REST: variants seen among roughly 807,000 people sequenced by gnomAD.
REST encodes the protein RE1-silencing transcription factor.
REST carries 1 observed loss-of-function variant against 30.4 expected under a neutral mutation model. That is an observed-to-expected ratio of 0.03 (90% CI 0.01 to 0.16). The LOEUF (loss-of-function observed/expected upper bound fraction) is 0.16. REST is among the 10% of genes least tolerant of loss of function. The pLI is 1.00. For missense variants in REST, 1,259 were observed against 1,329.5 expected, an observed-to-expected ratio of 0.95 and a Z score of 0.82; for synonymous variants, 504 against 451.1, an observed-to-expected ratio of 1.12 and a Z score of -1.49.
At chr4:56,916,571 A>G (rs1190722528) in intron 2 of REST, among the ~76,000 whole-genome samples, 1 of 152,170 alleles carries the variant, frequency 6.6e-6, no homozygotes, top group African/African-American at 2.4e-5. Context: ...CAAGAGGCAG[A>G]GGTTGCAGTG....
Position 56,930,741 on chromosome 4 carries a change from T to A in REST, c.1883T>A (p.Val628Glu), listed in dbSNP as rs748334019. ...TEAVQKGPVQVEPPPPMEHAQ... is the reference protein window; with the variant it reads ...TEAVQKGPVQEEPPPPMEHAQ... ...GCGGTTCAGAAGGGGCCCGTTCAGG[T>A]GGAGCCGCCACCTCCCATGGAGCAT... The change falls in exon 4 of 4, where the codon GTG becomes GAG. Residue 628 changes from valine to glutamate, a missense_variant. This residue lies in a region of REST where 856 missense variants were observed against 772.8 expected (regional missense o/e 1.11). Coordinates refer to ENST00000309042, the MANE Select transcript of REST (RefSeq NM_005612.5). 1 of 1,601,024 alleles carries A rather than the reference T, an allele frequency of 6.2e-7. No homozygotes were observed. The highest frequency in any genetic ancestry group is 8.5e-7 in the Non-Finnish European group (1 of 1,176,286).
chr4:56,914,330 C>T (rs1392598566), intron 2 of REST, among the ~76,000 whole-genome samples: 1 of 152,134 alleles, frequency 6.6e-6, no homozygotes, highest in East Asian at 1.9e-4. Context: ...GGTGAAATTC[C>T]ATTACAAGAG....
At position 56,911,015 on chromosome 4, in the gene REST, A is replaced by T; in HGVS notation, c.377A>T (p.Glu126Val). The T allele has an allele frequency of 6.2e-7, 1 of 1,614,204 alleles. No individual in the cohort carries two copies. Among genetic ancestry groups the T allele is most frequent in the South Asian group, 1.1e-5 (1 of 91,088 alleles). Reference sequence around the variant, plus strand: ...GTCGTAGAACCTCAGCCTGTATTTGAGGCATCAGGTGCTCCAGATATTTAC... The same window carrying T: ...GTCGTAGAACCTCAGCCTGTATTTGTGGCATCAGGTGCTCCAGATATTTAC... ...LSVVEPQPVF[E>V]ASGAPDIYSS... Residue 126 changes from glutamate (E) to valine (V), a missense_variant, in exon 2 of 4, where the codon GAG becomes GTG. By Grantham distance (121) the Glu-to-Val change is moderately radical (BLOSUM62 -2). Transcript: ENST00000309042.
At chr4:56,918,610 G>A (rs1578496634) in intron 2 of REST, among the ~76,000 whole-genome samples, 1 of 152,138 alleles carries the variant, frequency 6.6e-6, no homozygotes, top group Non-Finnish European at 1.5e-5. Context: ...CCAGGCTGGA[G>A]TATAGTGGTG....
At chr4:56,922,314 AC>A (rs1553903291) in intron 3 of REST, 1 of 67,458 alleles carries the variant, frequency 1.5e-5, no homozygotes, top group Non-Finnish European at 3.4e-5. Flanking sequence ...TATTATTATT[AC>A]TTTTTTTTTT....
At position 56,930,137 on chromosome 4, in the gene REST, C is replaced by T. The variant is rs377741166; in HGVS notation, c.1279C>T (p.Leu427=). The change falls in exon 4 of 4, where the codon CTA becomes TTA. Residue 427 remains leucine, a synonymous_variant. Transcript: ENST00000309042. ...AACAATGGATGTCTCAAAAGTGAAA[C>T]TAAAGAAAACCAAAAAACGAGAGGC... The part of the protein sequence containing the change: ...NKTMDVSKVK[L]KKTKKREADL... 2.8e-4 allele frequency: 446 copies of T among 1,613,228 alleles called. No individual in the cohort carries two copies. Among genetic ancestry groups the T allele is most frequent in the Non-Finnish European group, 3.5e-4 (413 of 1,179,896 alleles).
intron 2 of REST, among the ~76,000 whole-genome samples, 181 bp from the exon 3 acceptor site, chr4:56,919,606 A>G (rs1720359151): frequency 6.6e-6 from 1 of 152,242 alleles, no homozygotes; most frequent in Admixed American, 6.5e-5. Context: ...ATGTAGTCAT[A>G]GTTTCTGAAA....
intron 2 of REST, among the ~76,000 whole-genome samples, chr4:56,915,462 C>G (rs1348075969): frequency 6.6e-6 from 1 of 151,832 alleles, no homozygotes; most frequent in Non-Finnish European, 1.5e-5. Context: ...GTTGGCCAGG[C>G]TGGTCTCGAC....
Position 56,911,237 on chromosome 4 carries a change from A to G in REST, c.599A>G (p.Glu200Gly), listed in dbSNP as rs1193154231. 2 of 1,614,178 alleles carry G rather than the reference A, an allele frequency of 1.2e-6. No homozygotes were observed. Among genetic ancestry groups the G allele is most frequent in the Non-Finnish European group, 1.7e-6 (2 of 1,180,030 alleles). ...ESAEKQAKARESGSSTAEEGD... is the reference protein window; with the variant it reads ...ESAEKQAKARGSGSSTAEEGD... ...GCAGAGAAGCAGGCAAAAGCCAGGG[A>G]ATCTGGCTCTTCCACTGCAGAAGAG... The change falls in exon 2 of 4, where the codon GAA (glutamate) becomes GGA (glycine). Residue 200 changes from glutamate (E) to glycine (G), a missense_variant. Coordinates refer to ENST00000309042, the MANE Select transcript of REST (RefSeq NM_005612.5).
At chr4:56,914,999 A>T (rs1226569508) in intron 2 of REST, among the ~76,000 whole-genome samples, 2 of 134,940 alleles carry the variant, frequency 1.5e-5, no homozygotes, top group Non-Finnish European at 3.0e-5. Flanking sequence ...ATCTCGGCTC[A>T]CTGCAACCTC....
intron 3 of REST, among the ~76,000 whole-genome samples, chr4:56,926,089 T>TCA (rs1178567306): frequency 6.6e-6 from 1 of 152,208 alleles, no homozygotes; most frequent in African/African-American, 2.4e-5. Context: ...AGATGGAGTC[T>TCA]CACCCTGTCG....
At chr4:56,909,482 G>T (rs571775149) in intron 1 of REST, 80 of 152,310 alleles carry the variant, frequency 5.3e-4, no homozygotes, top group African/African-American at 1.9e-3. Flanking sequence ...GGAGCAATTA[G>T]AAAAGTCGAT....
Position 56,910,934 on chromosome 4 carries a change from T to C in REST, c.296T>C (p.Ile99Thr), listed in dbSNP as rs141631518. 39 of 1,614,050 alleles carry C rather than the reference T, an allele frequency of 2.4e-5. No individual in the cohort carries two copies. The Admixed American group carries it at 2.8e-4, about 12-fold the overall frequency. Reference protein sequence around the residue: ...EGEGLEESADIKGEPHGLENM... With the variant: ...EGEGLEESADTKGEPHGLENM... ...GAAGGACTTGAAGAGTCTGCTGATA[T>C]AAAAGGTGAACCTCATGGACTGGAA... The change falls in exon 2 of 4, where the codon ATA becomes ACA. Residue 99 changes from isoleucine to threonine, a missense_variant. This residue lies in a region of REST where 249 missense variants were observed against 251.5 expected (regional missense o/e 0.99). Transcript: ENST00000309042.
Position 56,923,565 on chromosome 4 carries a change from C to T in REST, c.982+3695C>T, listed in dbSNP as rs76376190. Among the ~76,000 whole-genome samples, 175 of 151,868 alleles carry T rather than the reference C, an allele frequency of 1.2e-3. 2 individuals carry two copies. The East Asian group carries it at 0.028, about 24-fold the overall frequency. Reference sequence around the variant, plus strand: ...TTCAAGCTATAGAATCTTCCTCAGCCTCCTGTGTAGCTGAAATTACAGGCA... The same window carrying T: ...TTCAAGCTATAGAATCTTCCTCAGCTTCCTGTGTAGCTGAAATTACAGGCA... On this transcript the variant is annotated intron_variant, in intron 3 of 3. Coordinates refer to ENST00000309042, the MANE Select transcript of REST (RefSeq NM_005612.5).
In REST at chr4:56,911,172, C is replaced by G; in HGVS notation, c.534C>G (p.Ile178Met). Residue 178 changes from isoleucine to methionine, a missense_variant, in exon 2 of 4, where the codon ATC (isoleucine) becomes ATG (methionine). Coordinates refer to ENST00000309042, the MANE Select transcript of REST (RefSeq NM_005612.5). ...CTGAAGAACAGTTTGTGCATCACAT[C>G]AGAGTTCACAGTGCTAAGAAATTTT... Reference protein sequence around the residue: ...AESEEQFVHHIRVHSAKKFFV... With the variant: ...AESEEQFVHHMRVHSAKKFFV... 3 of 1,614,184 alleles carry G rather than the reference C, an allele frequency of 1.9e-6. No individual in the cohort carries two copies. The highest frequency in any genetic ancestry group is 1.3e-5 in the African/African-American group (1 of 75,040).
At chr4:56,926,926 G>A (rs58103239) in intron 3 of REST, among the ~76,000 whole-genome samples, 3,980 of 151,606 alleles carry the variant, frequency 0.026, 191 homozygotes, top group African/African-American at 0.091. Context: ...GAGAAATGCC[G>A]TCTCTACTAA....
chr4:56,926,744 T>G (rs973591583), intron 3 of REST, among the ~76,000 whole-genome samples: 1 of 152,056 alleles, frequency 6.6e-6, no homozygotes, highest in South Asian at 2.1e-4. Flanking sequence ...CTGCTCCATG[T>G]TAAGGACTTT....
chr4:56,908,752 C>G (rs1215053846), intron 1 of REST, among the ~76,000 whole-genome samples: 1 of 151,858 alleles, frequency 6.6e-6, no homozygotes, highest in African/African-American at 2.4e-5. Flanking sequence ...ACAGCGATTT[C>G]TGCGCTTCAG....
rs1721053578 is a variant in REST at position 56,933,736 on chromosome 4, T to C, written c.*1584T>C. On this transcript the variant is annotated 3_prime_UTR_variant, in exon 4 of 4. Transcript: ENST00000309042. Reference sequence around the variant, plus strand: ...TGCCAAAGAGTGTGAAAGAATCCAATAGAGGATTTTTCTTACTGATAGCAG... The same window carrying C: ...TGCCAAAGAGTGTGAAAGAATCCAACAGAGGATTTTTCTTACTGATAGCAG... 1 of 152,166 alleles carries C rather than the reference T, an allele frequency of 6.6e-6. No individual in the cohort carries two copies. The highest frequency in any genetic ancestry group is 2.4e-5 in the African/African-American group (1 of 41,440). The allele number at this position is 152,166 out of a possible 1,614,324, so 9.4% of individuals were successfully genotyped here. A position where few individuals can be genotyped will look rare whatever the true frequency, so the allele number is the denominator to read the frequency against.
Sources: gnomAD v4.1 joint callset for allele counts (sites outside exome capture counted in the v4.1 genomes callset) on GRCh38, gnomAD v4.1.1 for gene constraint, gnomAD v4.1.1 regional missense constraint, MANE v1.5 for transcripts, NCBI Gene and HGNC (gene_info 2026-07-23, HGNC 2026-07-21) for gene names.